STARD9: variants seen among roughly 807,000 people sequenced by gnomAD.
STARD9 encodes StAR related lipid transfer domain containing 9, also known as stAR-related lipid transfer protein 9.
STARD9 carries 346 observed loss-of-function variants against 399.8 expected under a neutral mutation model. The ratio of observed to expected loss-of-function variants is 0.87; its 90% confidence interval spans 0.79 to 0.95. The LOEUF (loss-of-function observed/expected upper bound fraction) is 0.95, where lower values mean the gene tolerates loss of function less well. Ranked by LOEUF, STARD9 falls within the 40% of genes least tolerant of loss-of-function variation. The pLI, the probability that STARD9 is intolerant of heterozygous loss-of-function variation, is 0.00. For synonymous variants in STARD9, 2,203 were observed against 2,143.5 expected, an observed-to-expected ratio of 1.03 and a Z score of -0.77; for missense variants, 5,832 against 5,667.5, an observed-to-expected ratio of 1.03 and a Z score of -0.93.
intron 26 of STARD9, among the ~76,000 whole-genome samples, chr15:42,697,774 T>A (rs758857318): frequency 8.5e-5 from 13 of 152,202 alleles, no homozygotes; most frequent in Admixed American, 4.6e-4. Context: ...TCCCATCATA[T>A]CTCCTTATGC....
chr15:42,581,473 C>G lies in STARD9; in HGVS notation c.48-1873C>G, dbSNP rs544371611. On this transcript the variant is annotated intron_variant, in intron 1 of 32. Transcript: ENST00000290607. ...CTCTGGCTGGGCTGGTGGCCGCTGC[C>G]AGCGGAGGAGGACATGGCTGTGGAC... 9.2e-5 allele frequency: 140 copies of G among 1,528,420 alleles called. No individual in the cohort carries two copies. The African/African-American group carries it at 1.6e-3, about 18-fold the overall frequency. The allele number at this position is 1,528,420 out of a possible 1,614,324, so 94.7% of individuals were successfully genotyped here. A position where few individuals can be genotyped will look rare whatever the true frequency, so the allele number is the denominator to read the frequency against.
rs1029312426 is a variant in STARD9, at chr15:42,720,300, G to C, written c.*726G>C. 10 of 152,426 alleles carry C rather than the reference G, an allele frequency of 6.6e-5. No individual in the cohort carries two copies. Among genetic ancestry groups the C allele is most frequent in the African/African-American group, 2.4e-4 (10 of 41,464 alleles). 9.4% of individuals were successfully genotyped at this position (152,426 alleles called of 1,614,324 possible). A position where few individuals can be genotyped will look rare whatever the true frequency, so the allele number is the denominator to read the frequency against. On this transcript the variant is annotated 3_prime_UTR_variant, in exon 33 of 33. Transcript: ENST00000290607. ...AGACACTATAGAACCAGGTTGGACA[G>C]ATTTGGGGTCAGGGTTGGAGGCTGA...
rs1331715822 is a variant in STARD9 at position 42,692,507 on chromosome 15, G to C, written c.10929G>C (p.Gln3643His). 5.9e-6 allele frequency: 9 copies of C among 1,537,178 alleles called. No homozygotes were observed. The highest frequency in any genetic ancestry group is 2.0e-5 in the Admixed American group (1 of 51,006). The stretch of plus-strand genomic sequence containing the variant: ...CGAACACATTCGAACAGGGCACACA[G>C]ACCCTCGGCAGCAGGCGCCACTGGA... ...TRTNTFEQGT[Q>H]TLGSRRHWSS... Residue 3643 changes from glutamine to histidine, a missense_variant, in exon 23 of 33, where the codon CAG (glutamine) becomes CAC (histidine). Gln to His is a conservative substitution (Grantham distance 24). Transcript: ENST00000290607.
intron 7 of STARD9, among the ~76,000 whole-genome samples, chr15:42,640,513 A>G (rs1393051709): frequency 6.6e-6 from 1 of 152,104 alleles, no homozygotes. Context: ...GCAGTATCAA[A>G]CTTCTCATCT....
chr15:42,716,517 G>A (rs1156649218), intron 26 of STARD9, among the ~76,000 whole-genome samples, 160 bp from the exon 27 acceptor site: 2 of 152,180 alleles, frequency 1.3e-5, no homozygotes, highest in Non-Finnish European at 2.9e-5. Flanking sequence ...TTCTATTGCT[G>A]TGGTCTTCTT....
At chr15:42,682,056 G>A in intron 21 of STARD9, 48 bp from the exon 22 acceptor site, 1 of 1,293,148 alleles carries the variant, frequency 7.7e-7, no homozygotes, top group Non-Finnish European at 1.1e-6. Context: ...GCAGCCACAA[G>A]CAGGGAAGGA....
rs771529721 is a variant in STARD9, at chr15:42,693,433, C to G, written c.11855C>G (p.Ser3952Cys). The change falls in exon 23 of 33, where the codon TCC (serine) becomes TGC (cysteine). Residue 3952 changes from serine to cysteine, a missense_variant. Transcript: ENST00000290607. ...DAPRTPMDNY[S>C]QTTDELGGSQ... is the part of the protein sequence containing the mutation. Reference sequence around the variant, plus strand: ...CCAAGGACTCCAATGGATAATTATTCCCAAACCACTGACGAGTTAGGTGGC... The same window carrying G: ...CCAAGGACTCCAATGGATAATTATTGCCAAACCACTGACGAGTTAGGTGGC... 1.7e-4 allele frequency: 261 copies of G among 1,537,094 alleles called. No homozygotes were observed. Among genetic ancestry groups the G allele is most frequent in the Non-Finnish European group, 2.1e-4 (246 of 1,146,916 alleles).
intron 20 of STARD9, among the ~76,000 whole-genome samples, chr15:42,679,808 A>G (rs2060388667): frequency 1.3e-5 from 2 of 152,212 alleles, no homozygotes; most frequent in Non-Finnish European, 1.5e-5. Flanking sequence ...AAAAACAGGC[A>G]GCAGACCAGA....
Position 42,658,798 on chromosome 15 carries a change from A to G in STARD9, c.703-2360A>G, listed in dbSNP as rs974393730. Among the ~76,000 whole-genome samples the G allele has an allele frequency of 2.0e-5, 3 of 152,004 alleles. No homozygotes were observed. In the East Asian group the frequency reaches 5.8e-4, roughly 29 times the overall value. On this transcript the variant is annotated intron_variant, in intron 9 of 32. Coordinates refer to ENST00000290607, the MANE Select transcript of STARD9 (RefSeq NM_020759.3). ...CGTGCCTGGCCCCTTTTGCACTTTT[A>G]AAGACATTATTAGGAGAATAAAAAG...
rs1207858170 is a variant in STARD9 at position 42,688,600 on chromosome 15, G to A, written c.7022G>A (p.Arg2341Lys). 1 of 1,537,536 alleles carries A rather than the reference G, an allele frequency of 6.5e-7. No individual in the cohort carries two copies. Among genetic ancestry groups the A allele is most frequent in the Non-Finnish European group, 8.7e-7 (1 of 1,147,010 alleles). ...LSNTLPLNSPRWPRRCLHVPV... is the reference protein window; with the variant it reads ...LSNTLPLNSPKWPRRCLHVPV... ...AATACCTTGCCCTTGAATTCTCCAAGGTGGCCAAGAAGGTGTCTTCATGTA... is the reference window on the plus strand; with the variant it reads ...AATACCTTGCCCTTGAATTCTCCAAAGTGGCCAAGAAGGTGTCTTCATGTA... The change falls in exon 23 of 33, where the codon AGG becomes AAG. Residue 2341 changes from arginine (R) to lysine (K), a missense_variant. Coordinates refer to ENST00000290607, the MANE Select transcript of STARD9 (RefSeq NM_020759.3).
chr15:42,674,953 G>T lies in STARD9; in HGVS notation c.1676G>T (p.Arg559Leu). The T allele has an allele frequency of 6.5e-7, 1 of 1,534,358 alleles. No individual in the cohort carries two copies. The highest frequency in any genetic ancestry group is 8.7e-7 in the Non-Finnish European group (1 of 1,145,696). ...VNGREVTASC[R>L]LTQGAVITLG... Reference sequence around the variant, plus strand: ...GGCCGGGAGGTCACTGCCTCCTGCCGTCTGACTCAAGGTAGGACTGTCTGT... The same window carrying T: ...GGCCGGGAGGTCACTGCCTCCTGCCTTCTGACTCAAGGTAGGACTGTCTGT... The change falls in exon 18 of 33, where the codon CGT (arginine) becomes CTT (leucine). Residue 559 changes from arginine (R) to leucine (L), a missense_variant. Arg to Leu is a moderately radical substitution (Grantham distance 102, BLOSUM62 -2). Transcript: ENST00000290607.
intron 26 of STARD9, among the ~76,000 whole-genome samples, chr15:42,713,716 C>G (rs929335717): frequency 6.6e-6 from 1 of 151,894 alleles, no homozygotes; most frequent in African/African-American, 2.4e-5. Flanking sequence ...TCGAGCCAGC[C>G]CTGTGTTTCT....
At chr15:42,659,245 ACAACT>A (rs1242120944) in intron 9 of STARD9, among the ~76,000 whole-genome samples, 1 of 152,236 alleles carries the variant, frequency 6.6e-6, no homozygotes, top group Non-Finnish European at 1.5e-5. Context: ...CCGTAAGAAA[ACAACT>A]CAAAACAATG....
At position 42,665,349 on chromosome 15, in the gene STARD9, C is replaced by T. The variant is rs2060075687; in HGVS notation, c.1254+19C>T. Reference sequence around the variant, plus strand: ...TGAACTGGTATGCAGACAGTCAGAACCTTTCCGTACTTAAGTGAAATTCTC... The same window carrying T: ...TGAACTGGTATGCAGACAGTCAGAATCTTTCCGTACTTAAGTGAAATTCTC... On this transcript the variant is annotated intron_variant, in intron 14 of 32. Transcript: ENST00000290607. The T allele has an allele frequency of 6.5e-7, 1 of 1,527,892 alleles. No individual in the cohort carries two copies. Among genetic ancestry groups the T allele is most frequent in the African/African-American group, 1.4e-5 (1 of 72,668 alleles). 94.6% of individuals were successfully genotyped at this position (1,527,892 alleles called of 1,614,324 possible). A position where few individuals can be genotyped will look rare whatever the true frequency, so the allele number is the denominator to read the frequency against.
Position 42,688,053 on chromosome 15 carries a change from CGA to C in STARD9, c.6481_6482del (p.Ser2161Ter). The C allele has an allele frequency of 6.5e-7, 1 of 1,537,400 alleles. No individual in the cohort carries two copies. Among genetic ancestry groups the C allele is most frequent in the Non-Finnish European group, 8.7e-7 (1 of 1,146,948 alleles). On this transcript the variant is annotated frameshift_variant, in exon 23 of 33. Transcript: ENST00000290607. LOFTEE classifies it high-confidence loss of function. ...PNPFRSREGVRESEPVREHTH... is the reference protein window; with the variant it reads ...PNPFRSREGVXESEPVREHTH... ...CCCCTTCAGGTCAAGGGAAGGTGTACGAGAGAGTGAACCTGTGAGAGAGCACA... is the reference window on the plus strand; with the variant it reads ...CCCCTTCAGGTCAAGGGAAGGTGTACGAGAGTGAACCTGTGAGAGAGCACA...
chr15:42,676,144 G>A (rs761704355), intron 20 of STARD9, among the ~76,000 whole-genome samples, 169 bp downstream of exon 20: 1 of 152,176 alleles, frequency 6.6e-6, no homozygotes, highest in Non-Finnish European at 1.5e-5. Context: ...TGAACTAGCT[G>A]CTAAGTTCGT....
chr15:42,633,670 G>A (rs1341103320), intron 3 of STARD9, among the ~76,000 whole-genome samples: 2 of 147,102 alleles, frequency 1.4e-5, no homozygotes, highest in East Asian at 4.0e-4. Context: ...TTGAGATGGA[G>A]TCTCACTCTG....
At chr15:42,626,312 T>TTCTTCC (rs2059212139) in intron 3 of STARD9, among the ~76,000 whole-genome samples, 1 of 147,458 alleles carries the variant, frequency 6.8e-6, no homozygotes, top group Non-Finnish European at 1.5e-5. Context: ...CTTCTTCCTC[T>TTCTTCC]TCCTCTTCTT....
In STARD9 at chr15:42,685,616, C is replaced by A; in HGVS notation, c.4038C>A (p.Asn1346Lys). The change falls in exon 23 of 33, where the codon AAC becomes AAA. Residue 1346 changes from asparagine to lysine, a missense_variant. Transcript: ENST00000290607. ...GGTTTTCCTGTGACTCTAAGATCAA[C>A]CCCAGCAGCCCCCCAGGAATAGTGG... ...DSWFSCDSKI[N>K]PSSPPGIVGS... 1 of 1,537,412 alleles carries A rather than the reference C, an allele frequency of 6.5e-7. No individual in the cohort carries two copies. Among genetic ancestry groups the A allele is most frequent in the Non-Finnish European group, 8.7e-7 (1 of 1,146,960 alleles).
Sources: allele counts gnomAD v4.1 joint callset (sites outside exome capture counted in the v4.1 genomes callset), GRCh38; gene constraint gnomAD v4.1.1; transcripts MANE v1.5; gene names NCBI Gene and HGNC (gene_info 2026-07-23, HGNC 2026-07-21).